LRRC4C: variants seen among roughly 807,000 people sequenced by gnomAD.
LRRC4C encodes the protein leucine-rich repeat-containing protein 4C.
In LRRC4C, 5 loss-of-function variants were observed where a neutral mutation model predicts 33.6. The observed-to-expected ratio is 0.15, with a 90% confidence interval of 0.08 to 0.31. The LOEUF is 0.31. Among genes scored for constraint, LRRC4C ranks in the 10% least tolerant of loss-of-function variants. The probability of loss-of-function intolerance (pLI) is 1.00; values close to 1 mark genes in which losing one functional copy is unlikely to be tolerated. For missense variants in LRRC4C, 560 were observed against 796.7 expected (o/e 0.70, Z 3.58); for synonymous variants, 329 against 302.0 (o/e 1.09, Z -0.93).
At chr11:41,232,520 A>C (rs1947846616) in intron 1 of LRRC4C, among the ~76,000 whole-genome samples, 1 of 152,050 alleles carries the variant, frequency 6.6e-6, no homozygotes, top group South Asian at 2.1e-4. Flanking sequence ...ATATTTCAAA[A>C]GTTCTGTGTT....
Position 40,116,285 on chromosome 11 carries a change from T to G in LRRC4C, c.8A>C (p.Asn3Thr), listed in dbSNP as rs144974170. The change falls in exon 7 of 7, where the codon AAC becomes ACC. Residue 3 changes from asparagine (N) to threonine (T), a missense_variant. Physicochemically the swap from Asn to Thr is moderately conservative, Grantham distance 65. Transcript: ENST00000528697. The stretch of plus-strand genomic sequence containing the variant: ...CTGCTGTGGATGTAAGGTCATCTTG[T>G]TCAACATTCATAATTTATCTGGTGT... MLNKMTLHPQQIM... is the reference protein window; with the variant it reads MLTKMTLHPQQIM... 3.3e-3 allele frequency: 5,276 copies of G among 1,588,006 alleles called. 21 individuals are homozygous for G. The highest frequency in any genetic ancestry group is 7.2e-3 in the Middle Eastern group (42 of 5,812).
intron 2 of LRRC4C, among the ~76,000 whole-genome samples, chr11:40,683,265 A>T (rs951794052): frequency 6.6e-6 from 1 of 152,144 alleles, no homozygotes; most frequent in East Asian, 1.9e-4. Flanking sequence ...TCCCTTTAGC[A>T]TTCTCCACTA....
At chr11:40,266,722 G>A (rs1161175738) in intron 4 of LRRC4C, among the ~76,000 whole-genome samples, 1 of 152,070 alleles carries the variant, frequency 6.6e-6, no homozygotes, top group Non-Finnish European at 1.5e-5. Context: ...CTCTAAGGCT[G>A]GTTTTATTAA....
chr11:40,411,292 C>T (rs1950147477), intron 3 of LRRC4C, among the ~76,000 whole-genome samples: 1 of 152,006 alleles, frequency 6.6e-6, no homozygotes, highest in Non-Finnish European at 1.5e-5. Flanking sequence ...TTTTTGTTGA[C>T]TTGTAGTCAC....
At position 41,061,144 on chromosome 11, in the gene LRRC4C, T is replaced by C. The variant is rs147106746; in HGVS notation, c.-495-127421A>G. 4.9e-3 allele frequency among the ~76,000 whole-genome samples: 749 copies of C among 152,320 alleles called. 3 individuals are homozygous for C. The highest frequency in any genetic ancestry group is 6.4e-3 in the Non-Finnish European group (436 of 68,030). ...TCCTCCTGCTGTACTTATCATACTA[T>C]ATTGAATAATTCAGCATTTTATTTC... On this transcript the variant is annotated intron_variant, in intron 1 of 6. Transcript: ENST00000528697.
intron 1 of LRRC4C, among the ~76,000 whole-genome samples, chr11:41,053,992 A>G (rs1288230702): frequency 6.6e-6 from 1 of 152,198 alleles, no homozygotes; most frequent in Non-Finnish European, 1.5e-5. Flanking sequence ...TGCATTGTTC[A>G]TTGAGTCATA....
intron 2 of LRRC4C, among the ~76,000 whole-genome samples, chr11:40,901,595 T>A (rs972482012): frequency 6.6e-6 from 1 of 152,076 alleles, no homozygotes; most frequent in Non-Finnish European, 1.5e-5. Flanking sequence ...GTTATTACCC[T>A]TATTAAATCC....
At chr11:41,060,118 G>A (rs1937644454) in intron 1 of LRRC4C, among the ~76,000 whole-genome samples, 1 of 152,144 alleles carries the variant, frequency 6.6e-6, no homozygotes, top group African/African-American at 2.4e-5. Context: ...AGTTTGAGAT[G>A]CCTTGTCCTG....
intron 3 of LRRC4C, among the ~76,000 whole-genome samples, chr11:40,358,627 C>T (rs754971547): frequency 3.6e-4 from 54 of 152,044 alleles, no homozygotes; most frequent in Non-Finnish European, 2.2e-4. Flanking sequence ...AAGCTGCCTG[C>T]GTATTACTGA....
intron 1 of LRRC4C, among the ~76,000 whole-genome samples, chr11:41,304,273 G>A (rs1248142416): frequency 6.7e-4 from 79 of 118,090 alleles, no homozygotes; most frequent in African/African-American, 2.3e-3. Flanking sequence ...GGTGAGGGGC[G>A]CCTCTGCCCG....
chr11:41,155,351 C>T (rs1944180571), intron 1 of LRRC4C, among the ~76,000 whole-genome samples: 1 of 152,112 alleles, frequency 6.6e-6, no homozygotes, highest in Non-Finnish European at 1.5e-5. Flanking sequence ...ACATATTTTA[C>T]ACAGATTGTA....
chr11:40,827,588 A>T (rs1565107005), intron 2 of LRRC4C, among the ~76,000 whole-genome samples: 1 of 151,916 alleles, frequency 6.6e-6, no homozygotes, highest in Non-Finnish European at 1.5e-5. Flanking sequence ...ATGTATCAAC[A>T]TGTGAATTCT....
intron 1 of LRRC4C, among the ~76,000 whole-genome samples, chr11:41,393,406 C>A (rs1591418164): frequency 6.6e-6 from 1 of 151,690 alleles, no homozygotes; most frequent in South Asian, 2.1e-4. Flanking sequence ...AGGGAAGGTT[C>A]TCAAAGGTGG....
chr11:41,435,707 T>C (rs1955402027), intron 1 of LRRC4C, among the ~76,000 whole-genome samples: 1 of 152,228 alleles, frequency 6.6e-6, no homozygotes, highest in East Asian at 1.9e-4. Flanking sequence ...ACAATTATTA[T>C]GTAGGTCATC....
intron 2 of LRRC4C, among the ~76,000 whole-genome samples, chr11:40,705,810 A>G (rs956081970): frequency 1.3e-5 from 2 of 152,110 alleles, no homozygotes; most frequent in Non-Finnish European, 2.9e-5. Flanking sequence ...GAACTAGTTT[A>G]CACTCCCACC....
intron 2 of LRRC4C, among the ~76,000 whole-genome samples, chr11:40,762,817 C>T (rs1949283837): frequency 6.6e-6 from 1 of 151,708 alleles, no homozygotes; most frequent in Admixed American, 6.6e-5. Flanking sequence ...CTCCTGCCTC[C>T]TCTCATTGTT....
intron 1 of LRRC4C, among the ~76,000 whole-genome samples, chr11:41,366,765 G>A (rs181996810): frequency 1.3e-5 from 2 of 152,254 alleles, no homozygotes; most frequent in African/African-American, 2.4e-5. Flanking sequence ...GATATACACA[G>A]AGGGAAGACC....
At chr11:40,230,090 A>G (rs765649955) in intron 5 of LRRC4C, among the ~76,000 whole-genome samples, 2 of 152,046 alleles carry the variant, frequency 1.3e-5, no homozygotes, top group African/African-American at 2.4e-5. Flanking sequence ...CATAGCTCAG[A>G]CTCCCCTTGG....
intron 2 of LRRC4C, among the ~76,000 whole-genome samples, chr11:40,672,142 A>G (rs1944155131): frequency 1.3e-5 from 2 of 152,142 alleles, no homozygotes; most frequent in African/African-American, 4.8e-5. Flanking sequence ...TGTAGAATGA[A>G]AAGTCCAAGA....
Sources: allele counts gnomAD v4.1 joint callset (sites outside exome capture counted in the v4.1 genomes callset), GRCh38; gene constraint gnomAD v4.1.1; transcripts MANE v1.5; gene names NCBI Gene and HGNC (gene_info 2026-07-23, HGNC 2026-07-21).